The following CSMD1 variants were observed in gnomAD, a reference collection of about 807,000 sequenced individuals.
The protein encoded by CSMD1 is CUB and Sushi multiple domains 1.
A neutral mutation model predicts 417.5 loss-of-function variants in CSMD1; 213 were observed. The ratio of observed to expected loss-of-function variants is 0.51; its 90% confidence interval spans 0.46 to 0.57. CSMD1 has a LOEUF of 0.57. CSMD1 is among the 20% of genes least tolerant of loss of function. The probability of loss-of-function intolerance (pLI) is 0.00; values close to 1 mark genes in which losing one functional copy is unlikely to be tolerated. For missense variants in CSMD1, 6,923 were observed against 4,529.7 expected (o/e 1.53, Z -15.17); for synonymous variants, 2,862 against 1,736.8 (o/e 1.65, Z -16.11).
At chr8:3,562,444 A>G (rs62475826) in intron 10 of CSMD1, among the ~76,000 whole-genome samples, 58,812 of 124,320 alleles carry the variant, frequency 0.47, 12,446 homozygotes, top group Non-Finnish European at 0.55. Context: ...ACGTGCACAT[A>G]CACATACTCA....
intron 3 of CSMD1, among the ~76,000 whole-genome samples, chr8:4,123,196 G>C (rs1324751944): frequency 6.6e-6 from 1 of 152,202 alleles, no homozygotes; most frequent in African/African-American, 2.4e-5. Context: ...ATGATGGAAG[G>C]GTTAGGAATT....
chr8:3,111,980 G>A (rs951533425), intron 42 of CSMD1, among the ~76,000 whole-genome samples: 1 of 151,890 alleles, frequency 6.6e-6, no homozygotes, highest in Non-Finnish European at 1.5e-5. Flanking sequence ...AGGCAAACTT[G>A]TCTCTTCCTT....
intron 12 of CSMD1, among the ~76,000 whole-genome samples, chr8:3,420,764 T>G (rs183737929): frequency 1.3e-5 from 2 of 152,314 alleles, no homozygotes; most frequent in East Asian, 1.9e-4. Flanking sequence ...TACTAAGACT[T>G]TGAACATTCT....
chr8:3,684,172 T>A (rs1799813481), intron 7 of CSMD1, among the ~76,000 whole-genome samples: 1 of 136,054 alleles, frequency 7.4e-6, no homozygotes, highest in South Asian at 2.2e-4. Flanking sequence ...TAATATATAT[T>A]TACATGTTAC....
chr8:4,321,891 G>T (rs746198735), intron 3 of CSMD1, among the ~76,000 whole-genome samples: 2 of 151,826 alleles, frequency 1.3e-5, no homozygotes, highest in Non-Finnish European at 2.9e-5. Context: ...TCATCATTGT[G>T]ATTTATTAGA....
In CSMD1 at chr8:4,195,784, C is replaced by A. The variant is rs1004999865; in HGVS notation, c.416-163685G>T. Reference sequence around the variant, plus strand: ...GGAGGTAGTGGATTCTGCACACAACCTGAATGAGCTTGGATGCACAGTCCT... The same window carrying A: ...GGAGGTAGTGGATTCTGCACACAACATGAATGAGCTTGGATGCACAGTCCT... On this transcript the variant is annotated intron_variant, in intron 3 of 69. Transcript: ENST00000635120. Among the ~76,000 whole-genome samples the A allele has an allele frequency of 7.9e-5, 12 of 152,114 alleles. No homozygotes were observed. In the East Asian group the frequency reaches 2.1e-3, roughly 27 times the overall value.
At chr8:4,545,230 G>A (rs1797577492) in intron 2 of CSMD1, among the ~76,000 whole-genome samples, 4 of 152,228 alleles carry the variant, frequency 2.6e-5, no homozygotes, top group South Asian at 4.1e-4. Context: ...TCATAAAATG[G>A]GAGGTGCAGT....
intron 32 of CSMD1, among the ~76,000 whole-genome samples, chr8:3,200,647 G>A (rs192845680): frequency 2.6e-5 from 4 of 151,988 alleles, no homozygotes; most frequent in East Asian, 1.9e-4. Flanking sequence ...GTCAAGCAGT[G>A]GTGGGAGGTG....
intron 2 of CSMD1, among the ~76,000 whole-genome samples, chr8:4,488,509 C>A (rs1015281144): frequency 6.6e-6 from 1 of 152,116 alleles, no homozygotes; most frequent in African/African-American, 2.4e-5. Context: ...TACTCTGAAT[C>A]AAACATTGGA....
chr8:3,944,054 T>C (rs765195888), intron 5 of CSMD1, among the ~76,000 whole-genome samples: 8 of 152,162 alleles, frequency 5.3e-5, no homozygotes, highest in Admixed American at 2.0e-4. Context: ...TTCTTGTTTT[T>C]GCTCTCAACT....
At chr8:4,455,771 AAAT>A (rs1799430233) in intron 2 of CSMD1, among the ~76,000 whole-genome samples, 1 of 151,306 alleles carries the variant, frequency 6.6e-6, no homozygotes, top group Admixed American at 6.6e-5. Context: ...TCTCTACTAA[AAAT>A]ACAAAAATTC....
intron 2 of CSMD1, among the ~76,000 whole-genome samples, chr8:4,501,121 C>T (rs1802238912): frequency 6.6e-6 from 1 of 152,026 alleles, no homozygotes; most frequent in Non-Finnish European, 1.5e-5. Context: ...AAAGGAGTAT[C>T]ATGACACATA....
chr8:3,859,221 C>T (rs916783456), intron 5 of CSMD1, among the ~76,000 whole-genome samples: 7 of 152,170 alleles, frequency 4.6e-5, no homozygotes, highest in Non-Finnish European at 8.8e-5. Context: ...GGGAAAGCCA[C>T]CATTCAACTT....
intron 5 of CSMD1, among the ~76,000 whole-genome samples, chr8:3,891,058 T>C (rs927627556): frequency 3.3e-5 from 5 of 152,076 alleles, no homozygotes; most frequent in Non-Finnish European, 7.4e-5. Context: ...TGTTTTATTT[T>C]ATTATTTTGA....
intron 1 of CSMD1, among the ~76,000 whole-genome samples, chr8:4,855,214 G>C (rs554130181): frequency 4.0e-5 from 6 of 150,086 alleles, no homozygotes; most frequent in Admixed American, 6.8e-5. Context: ...CTCTTTGTTA[G>C]AAGAAAAACT....
chr8:3,214,165 GGA>G (rs111341226), intron 30 of CSMD1, among the ~76,000 whole-genome samples: 6 of 150,398 alleles, frequency 4.0e-5, no homozygotes, highest in South Asian at 2.1e-4. Flanking sequence ...TTTTATATAT[GGA>G]GAGAGAGAGA....
At chr8:3,942,744 T>C (rs551491859) in intron 5 of CSMD1, among the ~76,000 whole-genome samples, 2 of 152,312 alleles carry the variant, frequency 1.3e-5, no homozygotes, top group South Asian at 4.1e-4. Context: ...TACTAATGCA[T>C]GTGTGAAGTC....
intron 1 of CSMD1, among the ~76,000 whole-genome samples, chr8:4,656,934 GTGT>G (rs1188089189): frequency 1.3e-5 from 2 of 151,964 alleles, no homozygotes; most frequent in African/African-American, 4.8e-5. Flanking sequence ...CTGACAAAAG[GTGT>G]TTGTCTTTGC....
At chr8:3,978,491 AC>A (rs1440064762) in intron 5 of CSMD1, among the ~76,000 whole-genome samples, 1 of 152,176 alleles carries the variant, frequency 6.6e-6, no homozygotes, top group Non-Finnish European at 1.5e-5. Context: ...TGGGGACTTT[AC>A]TTCAATACAT....
Sources: allele counts gnomAD v4.1 joint callset (sites outside exome capture counted in the v4.1 genomes callset), GRCh38; gene constraint gnomAD v4.1.1; transcripts MANE v1.5; gene names NCBI Gene and HGNC (gene_info 2026-07-23, HGNC 2026-07-21).